The following AFF3 variants were observed in gnomAD, a reference collection of about 807,000 sequenced individuals.
The protein encoded by AFF3 is ALF transcription elongation factor 3, also known as AF4/FMR2 family member 3.
In AFF3, 32 loss-of-function variants were observed where a neutral mutation model predicts 129.7. That is an observed-to-expected ratio of 0.25 (90% CI 0.19 to 0.33). The LOEUF is 0.33. Among genes scored for constraint, AFF3 ranks in the 10% least tolerant of loss-of-function variants. The pLI is 1.00. For synonymous variants in AFF3, 644 were observed against 635.4 expected (o/e 1.01, Z -0.20); for missense variants, 1,373 against 1,592.0 (o/e 0.86, Z 2.34).
rs990956491 is a variant in AFF3, at chr2:100,053,245, G to A, written c.54-44313C>T. On this transcript the variant is annotated intron_variant, in intron 4 of 24. Coordinates refer to ENST00000672756, the MANE Select transcript of AFF3 (RefSeq NM_001386135.1). ...CACTTGAACTGTGTTGGGTGTCAGC[G>A]TGTTAGCCACTGTGGAATTTCAAAT... 1.1e-4 allele frequency among the ~76,000 whole-genome samples: 16 copies of A among 152,210 alleles called. 1 individual carries two copies. Among genetic ancestry groups the A allele is most frequent in the Admixed American group, 9.2e-4 (14 of 15,288 alleles).
At chr2:100,035,390 C>T (rs1286860884) in intron 4 of AFF3, among the ~76,000 whole-genome samples, 1 of 152,192 alleles carries the variant, frequency 6.6e-6, no homozygotes, top group East Asian at 1.9e-4. Context: ...GAATAGATCA[C>T]ATTTACTCAA....
intron 8 of AFF3, among the ~76,000 whole-genome samples, chr2:99,771,766 G>C (rs951760332): frequency 3.9e-5 from 6 of 152,106 alleles, no homozygotes; most frequent in Non-Finnish European, 8.8e-5. Context: ...AGGAAGTGAC[G>C]TATTTCTAAA....
chr2:100,021,306 T>C (rs1295385965), intron 4 of AFF3, among the ~76,000 whole-genome samples: 1 of 152,246 alleles, frequency 6.6e-6, no homozygotes, highest in Non-Finnish European at 1.5e-5. Flanking sequence ...GGCACTCTAA[T>C]TCCTGGTTTC....
chr2:100,028,162 T>C (rs1684200193), intron 4 of AFF3, among the ~76,000 whole-genome samples: 1 of 152,200 alleles, frequency 6.6e-6, no homozygotes, highest in East Asian at 1.9e-4. Context: ...GTGACAGTGG[T>C]ATTAGGTGAC....
intron 2 of AFF3, among the ~76,000 whole-genome samples, chr2:100,109,090 G>C (rs893613814): frequency 6.6e-6 from 1 of 151,558 alleles, no homozygotes; most frequent in Non-Finnish European, 1.5e-5. Context: ...GGCAAGCAGG[G>C]CAGAGAAAAG....
intron 13 of AFF3, among the ~76,000 whole-genome samples, chr2:99,611,769 C>T (rs1680950589): frequency 6.6e-6 from 1 of 152,076 alleles, no homozygotes; most frequent in Non-Finnish European, 1.5e-5. Flanking sequence ...CGCCTGTAAT[C>T]CCAGCTACTT....
rs746982511 is a variant in AFF3, at chr2:100,007,391, A to G, written c.244T>C (p.Phe82Leu). The change falls in exon 6 of 25, where the codon TTT becomes CTT. Residue 82 changes from phenylalanine to leucine, a missense_variant. Phe to Leu is a conservative substitution (Grantham distance 22, BLOSUM62 0). This residue lies in a region of AFF3 where 255 missense variants were observed against 256.0 expected (regional missense o/e 1.00). Transcript: ENST00000672756. ...CTCTGATTGGATCTATCAGTTAAAA[A>G]GTCTTTCATTTCATCATAATTGCCT... ...TLGNYDEMKD[F>L]LTDRSNQSHL... The G allele has an allele frequency of 6.2e-6, 10 of 1,614,108 alleles. No homozygotes were observed. Among genetic ancestry groups the G allele is most frequent in the African/African-American group, 2.7e-5 (2 of 74,932 alleles).
chr2:99,990,386 G>A (rs148050103), intron 7 of AFF3, among the ~76,000 whole-genome samples: 161 of 152,180 alleles, frequency 1.1e-3, no homozygotes, highest in African/African-American at 3.7e-3. Context: ...GAGTGAACAC[G>A]ATCTAATTGT....
chr2:99,753,894 T>C (rs562334118), intron 8 of AFF3, among the ~76,000 whole-genome samples: 1 of 152,334 alleles, frequency 6.6e-6, no homozygotes, highest in South Asian at 2.1e-4. Context: ...CTCCCATCTC[T>C]GCCCTGCTGG....
intron 13 of AFF3, among the ~76,000 whole-genome samples, chr2:99,634,747 T>G (rs77378679): frequency 0.03 from 4,529 of 152,040 alleles, 94 homozygotes; most frequent in Non-Finnish European, 0.044. Context: ...TTTTTTTTTT[T>G]GTCATCTTCT....
intron 10 of AFF3, among the ~76,000 whole-genome samples, chr2:99,734,000 T>C (rs553083937): frequency 2.6e-5 from 4 of 152,334 alleles, no homozygotes; most frequent in African/African-American, 9.6e-5. Context: ...GTATTAAATC[T>C]ATAGATATCT....
chr2:99,635,322 G>C (rs1317295051), intron 13 of AFF3, among the ~76,000 whole-genome samples: 3 of 151,828 alleles, frequency 2.0e-5, no homozygotes, highest in Admixed American at 1.3e-4. Context: ...ATATGACACA[G>C]GGTCTTGCTG....
rs548083488 is a variant in AFF3 at position 99,703,052 on chromosome 2, T to C, written c.1091+24025A>G. On this transcript the variant is annotated intron_variant, in intron 11 of 24. Transcript: ENST00000672756. ...GTTTCCTATTGCTGCTATAAGAAAT[T>C]ACACAAATTTGGTAGCTTAAAACAC... is the stretch of plus-strand genomic sequence containing the variant. 3.9e-5 allele frequency among the ~76,000 whole-genome samples: 6 copies of C among 152,334 alleles called. 1 individual carries two copies. The South Asian group carries it at 1.2e-3, about 32-fold the overall frequency.
rs141110020 is a variant in AFF3 at position 99,554,396 on chromosome 2, C to T, written c.3474G>A (p.Ala1158=). ...TGTTGGTGATGCTGACGTGGTTGGCCGCCATCTGGTGGATGCGCTGTGGGA... is the reference window on the plus strand; with the variant it reads ...TGTTGGTGATGCTGACGTGGTTGGCTGCCATCTGGTGGATGCGCTGTGGGA... The part of the protein sequence containing the change: ...VSIPQRIHQM[A]ANHVSITNSI... The change falls in exon 24 of 25, where the codon GCG becomes GCA. Residue 1158 remains alanine (A), a synonymous_variant. Transcript: ENST00000672756. The T allele has an allele frequency of 1.1e-3, 1,726 of 1,614,150 alleles. 3 individuals are homozygous for T. Among genetic ancestry groups the T allele is most frequent in the Middle Eastern group, 1.8e-3 (11 of 6,062 alleles).
At chr2:100,061,857 AG>A (rs11370065) in intron 4 of AFF3, among the ~76,000 whole-genome samples, 10,240 of 96,904 alleles carry the variant, frequency 0.11, 824 homozygotes, top group African/African-American at 0.2. Flanking sequence ...AGCACAGTGG[AG>A]GGGGGGGGGG....
intron 2 of AFF3, among the ~76,000 whole-genome samples, chr2:100,127,946 G>A (rs954318317): frequency 1.3e-5 from 2 of 152,104 alleles, no homozygotes; most frequent in African/African-American, 2.4e-5. Context: ...TCCTAAAGAC[G>A]TTGCTGATAA....
At chr2:99,841,593 G>A (rs2105815585) in intron 7 of AFF3, among the ~76,000 whole-genome samples, 1 of 152,292 alleles carries the variant, frequency 6.6e-6, no homozygotes, top group Admixed American at 6.5e-5. Flanking sequence ...GTACCACATT[G>A]GTTTGAATCT....
At chr2:99,656,757 T>C (rs1685781086) in intron 12 of AFF3, among the ~76,000 whole-genome samples, 2 of 152,214 alleles carry the variant, frequency 1.3e-5, no homozygotes, top group South Asian at 4.1e-4. Flanking sequence ...TTTAGTAATA[T>C]CTGCAAGACA....
chr2:99,765,405 G>A (rs1404581576), intron 8 of AFF3, among the ~76,000 whole-genome samples: 3 of 152,166 alleles, frequency 2.0e-5, no homozygotes, highest in East Asian at 3.9e-4. Context: ...AACCCCTGTC[G>A]CAATTGCAGA....
Sources: allele counts gnomAD v4.1 joint callset (sites outside exome capture counted in the v4.1 genomes callset), GRCh38; gene constraint gnomAD v4.1.1; regional missense constraint gnomAD v4.1.1; transcripts MANE v1.5; gene names NCBI Gene and HGNC (gene_info 2026-07-23, HGNC 2026-07-21).